Variants in PCDHGA2 observed in about 807,000 individuals in gnomAD.
The protein encoded by PCDHGA2 is protocadherin gamma-A2.
A neutral mutation model predicts 59.2 loss-of-function variants in PCDHGA2; 40 were observed. The observed-to-expected ratio is 0.68, with a 90% CI of 0.52 to 0.88. PCDHGA2 has a LOEUF of 0.88. Ranked by LOEUF, PCDHGA2 falls within the 40% of genes least tolerant of loss-of-function variation. PCDHGA2 has a pLI of 0.00. For synonymous variants in PCDHGA2, 560 were observed against 526.0 expected (o/e 1.06, Z -0.89); for missense variants, 1,226 against 1,204.0 (o/e 1.02, Z -0.27).
Position 141,373,901 on chromosome 5 carries a change from C to T in PCDHGA2, c.2424+32506C>T. ...AATCAACGGAAACTCAAGTTACATCCTCCAACAACAAAGCAAATTAGACGG... is the reference window on the plus strand; with the variant it reads ...AATCAACGGAAACTCAAGTTACATCTTCCAACAACAAAGCAAATTAGACGG... On this transcript the variant is annotated intron_variant, in intron 1 of 3. Coordinates refer to ENST00000394576, the MANE Select transcript of PCDHGA2 (RefSeq NM_018915.4). 5.3e-6 allele frequency: 3 copies of T among 568,614 alleles called. No homozygotes were observed. In the East Asian group the frequency reaches 9.4e-5, roughly 18 times the overall value. The allele number at this position is 568,614 out of a possible 1,614,324, so 35.2% of individuals were successfully genotyped here.
chr5:141,399,431 T>C (rs757950073), intron 1 of PCDHGA2: 1 of 1,613,970 alleles, frequency 6.2e-7, no homozygotes, highest in Non-Finnish European at 8.5e-7. Flanking sequence ...ATAAGCGTCA[T>C]CCTACATATC....
At chr5:141,409,745 T>C (rs968473065) in intron 1 of PCDHGA2, 8 of 1,613,074 alleles carry the variant, frequency 5.0e-6, no homozygotes, top group Non-Finnish European at 6.8e-6. Context: ...CGGGGTGGTG[T>C]TCGCGCAGCG....
intron 1 of PCDHGA2, among the ~76,000 whole-genome samples, chr5:141,467,938 C>A (rs527892047): frequency 9.8e-5 from 15 of 152,304 alleles, no homozygotes; most frequent in Non-Finnish European, 1.5e-4. Flanking sequence ...GGATTACAAG[C>A]ATGAGCCACC....
intron 1 of PCDHGA2, chr5:141,416,827 T>A (rs981344540): frequency 1.2e-4 from 18 of 152,268 alleles, no homozygotes; most frequent in African/African-American, 3.9e-4. Context: ...CCGAAGTTTC[T>A]CAAGACCCTT....
chr5:141,432,997 G>A lies in PCDHGA2; in HGVS notation c.2425-61810G>A, dbSNP rs778828769. ...CGCACTTTGTGGGCGTGGACGGGGT[G>A]CAGGCTTTCCTGCAGACCTATTCCC... is the stretch of plus-strand genomic sequence containing the variant. On this transcript the variant is annotated intron_variant, in intron 1 of 3. Coordinates refer to ENST00000394576, the MANE Select transcript of PCDHGA2 (RefSeq NM_018915.4). This position sits in a 1 kb window ranked among gnomAD's most constrained non-coding sequence, Gnocchi z 6.0. 5 of 1,614,082 alleles carry A rather than the reference G, an allele frequency of 3.1e-6. No homozygotes were observed. In the Admixed American group the frequency reaches 8.3e-5, roughly 27 times the overall value.
chr5:141,445,708 G>A (rs2098475030), intron 1 of PCDHGA2, among the ~76,000 whole-genome samples: 1 of 152,168 alleles, frequency 6.6e-6, no homozygotes, highest in African/African-American at 2.4e-5. Flanking sequence ...AAATTGTCAG[G>A]CAGAGGAAAT....
chr5:141,340,655 A>G lies in PCDHGA2; in HGVS notation c.1684A>G (p.Ile562Val), dbSNP rs1247103307. ...GGACCAGAACGACAACGCGCCCGAG[A>G]TCCTGTACCCTGCCTTCCCCACAGA... The part of the protein sequence containing the change: ...VLDQNDNAPE[I>V]LYPAFPTDGS... Residue 562 changes from isoleucine to valine, a missense_variant, in exon 1 of 4, where the codon ATC becomes GTC. Transcript: ENST00000394576. 1.2e-6 allele frequency: 2 copies of G among 1,613,988 alleles called. No homozygotes were observed. The highest frequency in any genetic ancestry group is 1.7e-6 in the Non-Finnish European group (2 of 1,180,020).
At chr5:141,456,819 C>A (rs1453433865) in intron 1 of PCDHGA2, among the ~76,000 whole-genome samples, 1 of 151,982 alleles carries the variant, frequency 6.6e-6, no homozygotes, top group Non-Finnish European at 1.5e-5. Flanking sequence ...AAAAAATTAG[C>A]CATCGTGGTA....
chr5:141,432,025 G>T lies in PCDHGA2; in HGVS notation c.2425-62782G>T. ...AGGTTCCTAGCTACAACATCACAGT[G>T]ACCGCCACTGACCGGGGAACCCCGC... On this transcript the variant is annotated intron_variant, in intron 1 of 3. Coordinates refer to ENST00000394576, the MANE Select transcript of PCDHGA2 (RefSeq NM_018915.4). The surrounding 1 kb of genome is among the most constrained non-coding windows in gnomAD (Gnocchi z 6.0). The T allele has an allele frequency of 6.2e-7, 1 of 1,614,158 alleles. No homozygotes were observed. The highest frequency in any genetic ancestry group is 1.1e-5 in the South Asian group (1 of 91,058).
chr5:141,482,530 CA>C (rs3074545), intron 1 of PCDHGA2, among the ~76,000 whole-genome samples: 1,133 of 76,538 alleles, frequency 0.015, 6 homozygotes, highest in Admixed American at 0.025. Flanking sequence ...GACAGACATG[CA>C]AAAAAAAAAA....
chr5:141,477,861 G>T lies in PCDHGA2; in HGVS notation c.2425-16946G>T. 6.2e-7 allele frequency: 1 copy of T among 1,612,714 alleles called. No homozygotes were observed. Among genetic ancestry groups the T allele is most frequent in the Non-Finnish European group, 8.5e-7 (1 of 1,179,590 alleles). ...GGGAGCTCGGTGGAGATGCTGCCTC[G>T]AGGTACCTCAGCTGGCCACCTAGTG... On this transcript the variant is annotated intron_variant, in intron 1 of 3. Coordinates refer to ENST00000394576, the MANE Select transcript of PCDHGA2 (RefSeq NM_018915.4). This position sits in a 1 kb window ranked among gnomAD's most constrained non-coding sequence, Gnocchi z 4.9.
chr5:141,372,306 G>A (rs771102617), intron 1 of PCDHGA2: 4 of 1,613,152 alleles, frequency 2.5e-6, no homozygotes, highest in Non-Finnish European at 3.4e-6. Context: ...CAGGGAGGCC[G>A]CCCGCCAGCG....
chr5:141,385,078 G>A, intron 1 of PCDHGA2: 1 of 1,614,222 alleles, frequency 6.2e-7, no homozygotes, highest in Non-Finnish European at 8.5e-7. Context: ...CCTGCTGCAG[G>A]CTTCAGAAGG....
chr5:141,344,286 G>A (rs776109013), intron 1 of PCDHGA2: 2 of 1,614,098 alleles, frequency 1.2e-6, no homozygotes, highest in Non-Finnish European at 1.7e-6. Context: ...CGGCAGCTTG[G>A]TCACCGCGGA....
At position 141,357,474 on chromosome 5, in the gene PCDHGA2, C is replaced by T. The variant is rs530149154; in HGVS notation, c.2424+16079C>T. On this transcript the variant is annotated intron_variant, in intron 1 of 3. Transcript: ENST00000394576. The stretch of plus-strand genomic sequence containing the variant: ...TGCAGACCTATTCCCACGAGGTCTC[C>T]CTCACCGCGGACTCGCGGAAGAGTC... The T allele has an allele frequency of 2.5e-6, 4 of 1,614,220 alleles. No homozygotes were observed. In the South Asian group the frequency reaches 3.3e-5, roughly 13 times the overall value.
rs70988800 is a variant in PCDHGA2, at chr5:141,379,889, C to CTTTTTTTTTTTTTTTTTTTTTTTTT, written c.2424+38500_2424+38524dup. Among the ~76,000 whole-genome samples, 41 of 50,832 alleles carry CTTTTTTTTTTTTTTTTTTTTTTTTT rather than the reference C, an allele frequency of 8.1e-4. 4 individuals are homozygous for CTTTTTTTTTTTTTTTTTTTTTTTTT. The highest frequency in any genetic ancestry group is 1.7e-3 in the Admixed American group (6 of 3,578). The allele number at this position is 50,832 out of a possible 152,430, so 33.3% of individuals were successfully genotyped here. A position where few individuals can be genotyped will look rare whatever the true frequency, so the allele number is the denominator to read the frequency against. On this transcript the variant is annotated intron_variant, in intron 1 of 3. Coordinates refer to ENST00000394576, the MANE Select transcript of PCDHGA2 (RefSeq NM_018915.4). ...CTTATTTTATGGTCTGTGAAAGCCT[C>CTTTTTTTTTTTTTTTTTTTTTTTTT]TTTTTTTTTTTTTTTTTTTTTTTTT...
At position 141,389,844 on chromosome 5, in the gene PCDHGA2, G is replaced by A. The variant is rs558691778; in HGVS notation, c.2424+48449G>A. 80 of 1,614,014 alleles carry A rather than the reference G, an allele frequency of 5.0e-5. No homozygotes were observed. The Admixed American group carries it at 1.3e-3, about 27-fold the overall frequency. On this transcript the variant is annotated intron_variant, in intron 1 of 3. Coordinates refer to ENST00000394576, the MANE Select transcript of PCDHGA2 (RefSeq NM_018915.4). ...TGACGGTGGACAGCCACCACTCTCGGCCACTGCCACGTTGCACCTGGTCTT... is the reference window on the plus strand; with the variant it reads ...TGACGGTGGACAGCCACCACTCTCGACCACTGCCACGTTGCACCTGGTCTT...
rs572282329 is a variant in PCDHGA2 at position 141,388,648 on chromosome 5, T to A, written c.2424+47253T>A. On this transcript the variant is annotated intron_variant, in intron 1 of 3. Coordinates refer to ENST00000394576, the MANE Select transcript of PCDHGA2 (RefSeq NM_018915.4). ...TACAGGGTGAGCCTTTCAGAAAACG[T>A]GTACCCGGGGACCACGGTGCTACAG... is the stretch of plus-strand genomic sequence containing the variant. 5 of 1,613,938 alleles carry A rather than the reference T, an allele frequency of 3.1e-6. No homozygotes were observed. The East Asian group carries it at 8.9e-5, about 29-fold the overall frequency.
At chr5:141,454,000 T>C (rs1048921374) in intron 1 of PCDHGA2, among the ~76,000 whole-genome samples, 2 of 152,214 alleles carry the variant, frequency 1.3e-5, no homozygotes, top group African/African-American at 4.8e-5. Flanking sequence ...TAAACCCACA[T>C]AACATTTTAG....
Sources: allele counts gnomAD v4.1 joint callset (sites outside exome capture counted in the v4.1 genomes callset), GRCh38; gene constraint gnomAD v4.1.1; non-coding constraint Gnocchi (gnomAD v3.1); transcripts MANE v1.5; gene names NCBI Gene and HGNC (gene_info 2026-07-23, HGNC 2026-07-21).